Variants in PER3 observed in about 807,000 individuals in gnomAD.
The protein encoded by PER3 is period circadian regulator 3.
PER3 carries 107 observed loss-of-function variants against 127.2 expected under a neutral mutation model. The observed-to-expected ratio is 0.84, with a 90% CI of 0.72 to 0.99. The LOEUF (loss-of-function observed/expected upper bound fraction) is 0.99. Among genes scored for constraint, PER3 ranks in the 50% least tolerant of loss-of-function variants. PER3 has a pLI of 0.00. For missense variants in PER3, 1,560 were observed against 1,525.8 expected (o/e 1.02, Z -0.37); for synonymous variants, 618 against 585.8 (o/e 1.05, Z -0.79).
At chr1:7,832,047 A>G (rs530030823) in intron 19 of PER3, among the ~76,000 whole-genome samples, 1 of 152,102 alleles carries the variant, frequency 6.6e-6, no homozygotes, top group East Asian at 1.9e-4. Context: ...TTTAACAACA[A>G]ATTTAAATAT....
intron 10 of PER3, among the ~76,000 whole-genome samples, chr1:7,808,376 G>T (rs77434986): frequency 0.082 from 12,492 of 151,992 alleles, 577 homozygotes; most frequent in Middle Eastern, 0.21. Flanking sequence ...GTCATAGATT[G>T]AAGATGCTCT....
intron 6 of PER3, among the ~76,000 whole-genome samples, chr1:7,796,423 A>G (rs1194260773): frequency 1.4e-5 from 2 of 148,080 alleles, no homozygotes; most frequent in African/African-American, 2.5e-5. Flanking sequence ...GGTTCCAACA[A>G]TTCTCCCACC....
chr1:7,799,759 C>A (rs1164704469), intron 7 of PER3, among the ~76,000 whole-genome samples: 1 of 151,540 alleles, frequency 6.6e-6, no homozygotes, highest in Non-Finnish European at 1.5e-5. Context: ...TTTGTGTATT[C>A]TTTTTTTGTT....
At chr1:7,829,736 A>G (rs2097320681) in intron 18 of PER3, 98 bp from the exon 19 acceptor site, 4 of 974,390 alleles carry the variant, frequency 4.1e-6, no homozygotes, top group African/African-American at 1.6e-5. Context: ...GACCACAGGT[A>G]ACTGAAACTA....
intron 9 of PER3, 56 bp downstream of exon 9, chr1:7,803,209 A>G (rs2097178168): frequency 9.1e-7 from 1 of 1,101,426 alleles, no homozygotes; most frequent in African/African-American, 1.5e-5. Flanking sequence ...ATTTGTTCTA[A>G]TTTTTCTTTT....
At chr1:7,810,918 A>ATGCATT (rs1294939766) in intron 13 of PER3, among the ~76,000 whole-genome samples, 1 of 152,238 alleles carries the variant, frequency 6.6e-6, no homozygotes, top group African/African-American at 2.4e-5. Flanking sequence ...GGATTTTAGA[A>ATGCATT]TGCATTTTAA....
chr1:7,819,896 G>T (rs932726728), intron 14 of PER3, among the ~76,000 whole-genome samples: 1 of 151,762 alleles, frequency 6.6e-6, no homozygotes, highest in Non-Finnish European at 1.5e-5. Flanking sequence ...GAAGCCAAAA[G>T]ATTGGACACC....
intron 17 of PER3, 97 bp from the exon 18 acceptor site, chr1:7,827,021 C>T: frequency 1.1e-6 from 1 of 926,512 alleles, no homozygotes; most frequent in Non-Finnish European, 1.6e-6. Flanking sequence ...TTGGCAAATG[C>T]TCATTCGTCA....
chr1:7,839,731 C>G (rs2097375391), intron 21 of PER3, among the ~76,000 whole-genome samples: 1 of 152,244 alleles, frequency 6.6e-6, no homozygotes. Context: ...TCCACAGTTT[C>G]TGATGAGATA....
At chr1:7,835,038 C>A (rs543704272) in intron 19 of PER3, among the ~76,000 whole-genome samples, 1 of 151,994 alleles carries the variant, frequency 6.6e-6, no homozygotes, top group Non-Finnish European at 1.5e-5. Flanking sequence ...TGTTTGGTAT[C>A]ATAAAGGTGA....
chr1:7,796,886 G>A (rs2097148097), intron 6 of PER3, among the ~76,000 whole-genome samples: 1 of 152,190 alleles, frequency 6.6e-6, no homozygotes, highest in Non-Finnish European at 1.5e-5. Flanking sequence ...TGAGTGTGAA[G>A]TAAGAGTCAA....
chr1:7,836,771 T>A, intron 20 of PER3: 1 of 374,404 alleles, frequency 2.7e-6, no homozygotes, highest in Middle Eastern at 7.3e-4. Context: ...AAGGGAAATC[T>A]CTTTCTTCCA....
intron 6 of PER3, among the ~76,000 whole-genome samples, chr1:7,795,999 G>A (rs1172781286): frequency 6.6e-6 from 1 of 152,136 alleles, no homozygotes; most frequent in African/African-American, 2.4e-5. Context: ...TCTCATTCAC[G>A]TTTGTGGGGT....
At chr1:7,830,413 TTTCTGTCACCCCAAACAG>T (rs1256450638) in intron 19 of PER3, among the ~76,000 whole-genome samples, 1 of 152,146 alleles carries the variant, frequency 6.6e-6, no homozygotes, top group African/African-American at 2.4e-5. Flanking sequence ...ATATAGAACA[TTTCTGTCACCCCAAACAG>T]TTCTGTGACC....
intron 16 of PER3, among the ~76,000 whole-genome samples, chr1:7,822,506 G>A (rs2151062909): frequency 6.6e-6 from 1 of 152,164 alleles, no homozygotes; most frequent in South Asian, 2.1e-4. Flanking sequence ...GCCCACCTTG[G>A]CCTCCCAAAG....
At chr1:7,834,451 TTTGTTG>T (rs770599529) in intron 19 of PER3, among the ~76,000 whole-genome samples, 1 of 152,066 alleles carries the variant, frequency 6.6e-6, no homozygotes, top group Non-Finnish European at 1.5e-5. Context: ...GTGTGAGTGT[TTTGTTG>T]TTGTTGTTGT....
chr1:7,786,955 A>G, intron 4 of PER3, 119 bp downstream of exon 4: 1 of 663,900 alleles, frequency 1.5e-6, no homozygotes, highest in Middle Eastern at 2.5e-4. Flanking sequence ...AGAGAAGCAA[A>G]GGAGGAACTG....
chr1:7,785,646 AG>A, intron 3 of PER3, 60 bp downstream of exon 3: 2 of 1,450,990 alleles, frequency 1.4e-6, no homozygotes, highest in East Asian at 4.6e-5. Context: ...ACAAGCAGCC[AG>A]AGGAGTGGTC....
At chr1:7,817,501 C>T (rs1163158522) in intron 13 of PER3, among the ~76,000 whole-genome samples, 1 of 152,160 alleles carries the variant, frequency 6.6e-6, no homozygotes, top group African/African-American at 2.4e-5. Context: ...GTATTCGTTT[C>T]CCACCAGAGT....
Sources: gnomAD v4.1 joint callset for allele counts (sites outside exome capture counted in the v4.1 genomes callset) on GRCh38, gnomAD v4.1.1 for gene constraint, MANE v1.5 for transcripts, NCBI Gene and HGNC (gene_info 2026-07-23, HGNC 2026-07-21) for gene names.